The following TMEM178B variants were observed in gnomAD, a reference collection of about 807,000 sequenced individuals.
The protein encoded by TMEM178B is transmembrane protein 178B.
Under a neutral mutation model 31.0 loss-of-function variants are expected in TMEM178B, and 5 were observed. The observed-to-expected ratio is 0.16, with a 90% CI of 0.08 to 0.34. The LOEUF (loss-of-function observed/expected upper bound fraction) is 0.34, where lower values mean the gene tolerates loss of function less well. Among genes scored for constraint, TMEM178B ranks in the 10% least tolerant of loss-of-function variants. TMEM178B has a pLI of 1.00. For missense variants in TMEM178B, 275 were observed against 400.3 expected (o/e 0.69, Z 2.67); for synonymous variants, 164 against 164.0 (o/e 1.00, Z 0.00).
chr7:141,343,640 C>T (rs770787946), intron 2 of TMEM178B, among the ~76,000 whole-genome samples: 36 of 151,596 alleles, frequency 2.4e-4, no homozygotes, highest in Non-Finnish European at 4.7e-4. Context: ...AGCTCCACCC[C>T]ACCGGGTTAC....
chr7:141,189,347 G>A (rs147347576), intron 1 of TMEM178B, among the ~76,000 whole-genome samples: 4 of 152,238 alleles, frequency 2.6e-5, no homozygotes, highest in African/African-American at 9.6e-5. Context: ...GGGCACTCTG[G>A]TGTCAGGAAT....
chr7:141,405,914 G>A (rs1800877547), intron 2 of TMEM178B, among the ~76,000 whole-genome samples: 2 of 152,182 alleles, frequency 1.3e-5, no homozygotes, highest in Non-Finnish European at 2.9e-5. Flanking sequence ...GCATCAAAAT[G>A]TCTCTGTTGT....
intron 3 of TMEM178B, among the ~76,000 whole-genome samples, chr7:141,446,365 C>A (rs563721090): frequency 1.4e-4 from 22 of 152,216 alleles, no homozygotes; most frequent in Non-Finnish European, 1.5e-5. Flanking sequence ...GCCTGCCAAG[C>A]CTTCAGGAAA....
chr7:141,272,987 A>T (rs1484109397), intron 2 of TMEM178B, among the ~76,000 whole-genome samples: 2 of 152,238 alleles, frequency 1.3e-5, no homozygotes, highest in African/African-American at 2.4e-5. Context: ...TCAATGCATG[A>T]ATAAAGAAAA....
intron 2 of TMEM178B, among the ~76,000 whole-genome samples, chr7:141,245,023 G>A (rs1324316906): frequency 6.6e-6 from 1 of 151,412 alleles, no homozygotes. Flanking sequence ...TGTAATCCCA[G>A]CTACTCGGGA....
chr7:141,116,667 G>C (rs1460531391), intron 1 of TMEM178B, among the ~76,000 whole-genome samples: 1 of 151,638 alleles, frequency 6.6e-6, no homozygotes, highest in African/African-American at 2.4e-5. Context: ...CCCTCCCCTA[G>C]ACCCCCATCC....
At chr7:141,213,925 A>G (rs1797088608) in intron 2 of TMEM178B, among the ~76,000 whole-genome samples, 1 of 152,214 alleles carries the variant, frequency 6.6e-6, no homozygotes, top group African/African-American at 2.4e-5. Flanking sequence ...TGTTTCCCCT[A>G]CAAGATTTAT....
At chr7:141,204,199 A>G (rs546841165) in intron 1 of TMEM178B, among the ~76,000 whole-genome samples, 1 of 152,336 alleles carries the variant, frequency 6.6e-6, no homozygotes, top group East Asian at 1.9e-4. Context: ...GAGACTGGAA[A>G]GAGGGGAAGC....
chr7:141,080,589 C>T (rs1286793860), intron 1 of TMEM178B, among the ~76,000 whole-genome samples: 3 of 152,214 alleles, frequency 2.0e-5, no homozygotes, highest in Non-Finnish European at 2.9e-5. Context: ...TACTGCACCC[C>T]AGCCTGGGTG....
At chr7:141,361,327 A>G (rs1431271624) in intron 2 of TMEM178B, among the ~76,000 whole-genome samples, 1 of 152,150 alleles carries the variant, frequency 6.6e-6, no homozygotes, top group Non-Finnish European at 1.5e-5. Flanking sequence ...ATGGAGCACC[A>G]AGTAATTTGA....
intron 2 of TMEM178B, among the ~76,000 whole-genome samples, chr7:141,255,426 G>C (rs187808472): frequency 6.6e-6 from 1 of 152,168 alleles, no homozygotes; most frequent in Non-Finnish European, 1.5e-5. Context: ...GTTTCTAACC[G>C]TTTGATTTCA....
At chr7:141,084,833 G>A (rs1229692489) in intron 1 of TMEM178B, among the ~76,000 whole-genome samples, 1 of 151,982 alleles carries the variant, frequency 6.6e-6, no homozygotes, top group Non-Finnish European at 1.5e-5. Context: ...AATATAAGCC[G>A]GGCAGCAAAC....
chr7:141,109,630 C>CA (rs2129174915), intron 1 of TMEM178B, among the ~76,000 whole-genome samples: 1 of 152,226 alleles, frequency 6.6e-6, no homozygotes, highest in Admixed American at 6.5e-5. Context: ...ATTAACCCCC[C>CA]TTGTCTAGGA....
At chr7:141,226,029 C>T (rs919293195) in intron 2 of TMEM178B, among the ~76,000 whole-genome samples, 3 of 152,086 alleles carry the variant, frequency 2.0e-5, no homozygotes, top group East Asian at 3.8e-4. Flanking sequence ...TGTCAGCTTC[C>T]GAAACCACGA....
In TMEM178B at chr7:141,475,824, C is replaced by G. The variant is rs1207927185; in HGVS notation, c.*5038C>G. Reference sequence around the variant, plus strand: ...TGGTCAGTTGCCATCTCAATCTAATCATAGATGTAAGAATGCGGAAGCCAG... The same window carrying G: ...TGGTCAGTTGCCATCTCAATCTAATGATAGATGTAAGAATGCGGAAGCCAG... On this transcript the variant is annotated 3_prime_UTR_variant, in exon 4 of 4. Transcript: ENST00000565468. The G allele has an allele frequency of 2.6e-5, 4 of 151,548 alleles. No homozygotes were observed. Among genetic ancestry groups the G allele is most frequent in the Non-Finnish European group, 5.9e-5 (4 of 67,938 alleles). 9.4% of individuals were successfully genotyped at this position (151,548 alleles called of 1,614,324 possible). A position where few individuals can be genotyped will look rare whatever the true frequency, so the allele number is the denominator to read the frequency against.
At chr7:141,441,585 C>A (rs1004175590) in intron 3 of TMEM178B, among the ~76,000 whole-genome samples, 1 of 152,154 alleles carries the variant, frequency 6.6e-6, no homozygotes, top group African/African-American at 2.4e-5. Flanking sequence ...ACAACATCAG[C>A]AGTGCCTGGA....
chr7:141,090,097 A>G (rs1794857439), intron 1 of TMEM178B, among the ~76,000 whole-genome samples: 1 of 152,136 alleles, frequency 6.6e-6, no homozygotes, highest in South Asian at 2.1e-4. Context: ...TCTCATCAGC[A>G]TACTTGGATA....
intron 1 of TMEM178B, among the ~76,000 whole-genome samples, chr7:141,097,682 C>T (rs1459156579): frequency 6.6e-6 from 1 of 152,042 alleles, no homozygotes; most frequent in Non-Finnish European, 1.5e-5. Flanking sequence ...TCCCAAACCT[C>T]ATCATCTTTG....
intron 2 of TMEM178B, among the ~76,000 whole-genome samples, chr7:141,364,952 A>G (rs1319357572): frequency 6.6e-5 from 10 of 152,336 alleles, no homozygotes; most frequent in South Asian, 2.1e-4. Context: ...CTGGAAGTCC[A>G]TATTTGAACG....
Sources: gnomAD v4.1 joint callset for allele counts (sites outside exome capture counted in the v4.1 genomes callset) on GRCh38, gnomAD v4.1.1 for gene constraint, MANE v1.5 for transcripts, NCBI Gene and HGNC (gene_info 2026-07-23, HGNC 2026-07-21) for gene names.